Variants in NR6A1 observed in about 807,000 individuals in gnomAD.
NR6A1 encodes the protein retinoic acid receptor-related testis-associated receptor.
Under a neutral mutation model 59.1 loss-of-function variants are expected in NR6A1, and 7 were observed. The observed-to-expected ratio is 0.12, with a 90% CI of 0.07 to 0.22. The LOEUF (loss-of-function observed/expected upper bound fraction) is 0.22. Ranked by LOEUF, NR6A1 falls within the 10% of genes least tolerant of loss-of-function variation. The pLI is 1.00. For synonymous variants in NR6A1, 243 were observed against 236.1 expected, an observed-to-expected ratio of 1.03 and a Z score of -0.27; for missense variants, 468 against 611.6, an observed-to-expected ratio of 0.77 and a Z score of 2.48.
intron 2 of NR6A1, among the ~76,000 whole-genome samples, chr9:124,687,551 T>C (rs769515836): frequency 2.0e-5 from 3 of 152,196 alleles, no homozygotes; most frequent in Non-Finnish European, 2.9e-5. Context: ...GGTAAAACCT[T>C]AGGCAGACTA....
rs563968177 is a variant in NR6A1 at position 124,603,844 on chromosome 9, C to T, written c.143-49274G>A. Among the ~76,000 whole-genome samples, 3 of 152,294 alleles carry T rather than the reference C, an allele frequency of 2.0e-5. No homozygotes were observed. In the South Asian group the frequency reaches 6.2e-4, roughly 32 times the overall value. ...TTCCCGCAAAGCCAAAACCAGTTTTCCCAGTCCCAATTCCAACTCCAGCAA... is the reference window on the plus strand; with the variant it reads ...TTCCCGCAAAGCCAAAACCAGTTTTTCCAGTCCCAATTCCAACTCCAGCAA... On this transcript the variant is annotated intron_variant, in intron 2 of 9. Coordinates refer to ENST00000487099, the MANE Select transcript of NR6A1 (RefSeq NM_033334.4).
chr9:124,585,045 AGAAAGGCAAACCAATCACAACATTCTG>A (rs1267167018), intron 2 of NR6A1, among the ~76,000 whole-genome samples: 13 of 152,344 alleles, frequency 8.5e-5, no homozygotes, highest in East Asian at 5.8e-4. Context: ...TAGTCTGGAT[AGAAAGGCAAACCAATCACAACATTCTG>A]GAAAGGCAAA....
In NR6A1 at chr9:124,517,379, A is replaced by C. The variant is rs1832709137; in HGVS notation, c.*5326T>G. The C allele has an allele frequency of 6.6e-6, 1 of 152,324 alleles. No individual in the cohort carries two copies. The allele number at this position is 152,324 out of a possible 1,614,324, so 9.4% of individuals were successfully genotyped here. A position where few individuals can be genotyped will look rare whatever the true frequency, so the allele number is the denominator to read the frequency against. ...TCACATTTCCACAGGTAGTCAATTC[A>C]CAGAACAGGGCCCATCCCTTGCCAG... On this transcript the variant is annotated 3_prime_UTR_variant, in exon 10 of 10. Coordinates refer to ENST00000487099, the MANE Select transcript of NR6A1 (RefSeq NM_033334.4).
chr9:124,551,852 T>C (rs1422591808), intron 3 of NR6A1, among the ~76,000 whole-genome samples: 1 of 152,206 alleles, frequency 6.6e-6, no homozygotes, highest in African/African-American at 2.4e-5. Flanking sequence ...ATACAGAACA[T>C]TCCTTACCCC....
chr9:124,694,637 C>T, intron 2 of NR6A1, among the ~76,000 whole-genome samples: 1 of 152,148 alleles, frequency 6.6e-6, no homozygotes, highest in East Asian at 1.9e-4. Flanking sequence ...AGATAAGCCA[C>T]TAAATCCCAT....
At chr9:124,738,803 G>C (rs934146449) in intron 1 of NR6A1, among the ~76,000 whole-genome samples, 2 of 152,168 alleles carry the variant, frequency 1.3e-5, no homozygotes, top group Non-Finnish European at 2.9e-5. Context: ...AGGAGTTTGA[G>C]ACCAGCTTGG....
intron 2 of NR6A1, among the ~76,000 whole-genome samples, chr9:124,660,007 T>TG (rs1300832795): frequency 1.3e-5 from 2 of 152,182 alleles, no homozygotes; most frequent in African/African-American, 4.8e-5. Flanking sequence ...AGAATGCACT[T>TG]GGGGGAAAAA....
intron 2 of NR6A1, among the ~76,000 whole-genome samples, chr9:124,617,038 A>T (rs1338405202): frequency 6.6e-6 from 1 of 152,218 alleles, no homozygotes; most frequent in Admixed American, 6.5e-5. Context: ...TTACAATTTT[A>T]AAAAGTCAGA....
intron 2 of NR6A1, among the ~76,000 whole-genome samples, chr9:124,602,032 A>AC (rs1434656000): frequency 6.6e-6 from 1 of 152,230 alleles, no homozygotes; most frequent in African/African-American, 2.4e-5. Flanking sequence ...TTGTAAAAAG[A>AC]CATTTTTGGG....
At chr9:124,605,914 T>A (rs1424581599) in intron 2 of NR6A1, among the ~76,000 whole-genome samples, 1 of 152,252 alleles carries the variant, frequency 6.6e-6, no homozygotes, top group African/African-American at 2.4e-5. Flanking sequence ...CTGGCTTATT[T>A]TAGTAGCTTC....
chr9:124,720,488 TG>T (rs1405867273), intron 2 of NR6A1, among the ~76,000 whole-genome samples: 1 of 152,240 alleles, frequency 6.6e-6, no homozygotes, highest in East Asian at 1.9e-4. Flanking sequence ...TCTTTAACAC[TG>T]TATTTTCACT....
chr9:124,759,651 G>A (rs969161381), intron 1 of NR6A1, among the ~76,000 whole-genome samples: 1 of 152,198 alleles, frequency 6.6e-6, no homozygotes, highest in Non-Finnish European at 1.5e-5. Flanking sequence ...CTCCTGCCTT[G>A]AGTAACTCAA....
At chr9:124,533,714 A>C (rs991255452) in intron 7 of NR6A1, among the ~76,000 whole-genome samples, 1 of 151,534 alleles carries the variant, frequency 6.6e-6, no homozygotes, top group African/African-American at 2.4e-5. Flanking sequence ...CAGTGGTGCA[A>C]ACTTGGCTCA....
intron 3 of NR6A1, among the ~76,000 whole-genome samples, chr9:124,551,259 A>G (rs1405085370): frequency 6.6e-6 from 1 of 152,156 alleles, no homozygotes; most frequent in South Asian, 2.1e-4. Flanking sequence ...GAGCTTGGAA[A>G]TATACATATG....
At chr9:124,739,460 T>C (rs1265751847) in intron 1 of NR6A1, among the ~76,000 whole-genome samples, 2 of 152,206 alleles carry the variant, frequency 1.3e-5, no homozygotes, top group African/African-American at 4.8e-5. Flanking sequence ...AATAGGCGTT[T>C]TGTTTGCTTT....
In NR6A1 at chr9:124,728,020, T is replaced by C. The variant is rs139080397; in HGVS notation, c.142+5288A>G. Among the ~76,000 whole-genome samples the C allele has an allele frequency of 5.5e-3, 832 of 150,462 alleles. 7 individuals carry two copies. Among genetic ancestry groups the C allele is most frequent in the African/African-American group, 0.019 (790 of 41,038 alleles). On this transcript the variant is annotated intron_variant, in intron 2 of 9. Coordinates refer to ENST00000487099, the MANE Select transcript of NR6A1 (RefSeq NM_033334.4). ...TTTTATTTTTTATTTTTATTTTTAT[T>C]TTTGTATTTATTTATTTTTTTCTTG...
chr9:124,680,633 C>T (rs187852900), intron 2 of NR6A1, among the ~76,000 whole-genome samples: 10 of 152,268 alleles, frequency 6.6e-5, no homozygotes, highest in African/African-American at 1.7e-4. Flanking sequence ...AAATAATACA[C>T]GGTTTGTCTC....
At chr9:124,699,014 T>A (rs1838853095) in intron 2 of NR6A1, among the ~76,000 whole-genome samples, 1 of 152,088 alleles carries the variant, frequency 6.6e-6, no homozygotes, top group African/African-American at 2.4e-5. Flanking sequence ...AGTCAGAAAA[T>A]CTGAATTTAA....
At chr9:124,604,443 C>CT (rs1204988211) in intron 2 of NR6A1, among the ~76,000 whole-genome samples, 1 of 152,156 alleles carries the variant, frequency 6.6e-6, no homozygotes, top group Non-Finnish European at 1.5e-5. Context: ...TTTCTACCCC[C>CT]TCAAAAGTAG....
Sources: gnomAD v4.1 joint callset for allele counts (sites outside exome capture counted in the v4.1 genomes callset) on GRCh38, gnomAD v4.1.1 for gene constraint, MANE v1.5 for transcripts, NCBI Gene and HGNC (gene_info 2026-07-23, HGNC 2026-07-21) for gene names.